Variants in PDK3 observed in about 807,000 individuals in gnomAD.
The protein encoded by PDK3 is pyruvate dehydrogenase kinase, isozyme 3.
A neutral mutation model predicts 32.0 loss-of-function variants in PDK3; 12 were observed. The ratio of observed to expected loss-of-function variants is 0.37; its 90% CI spans 0.24 to 0.61. The LOEUF is 0.61. Ranked by LOEUF, PDK3 falls within the 20% of genes least tolerant of loss-of-function variation. The probability of loss-of-function intolerance (pLI) is 0.65; values close to 1 mark genes in which losing one functional copy is unlikely to be tolerated. For missense variants in PDK3, 188 were observed against 316.9 expected (o/e 0.59, Z 3.09); for synonymous variants, 122 against 116.3 (o/e 1.05, Z -0.31).
At chrX:24,504,401 C>T (rs1339289587) in intron 4 of PDK3, among the ~76,000 whole-genome samples, 3 of 112,141 alleles carry the variant, frequency 2.7e-5, no homozygotes, top group African/African-American at 6.5e-5. Flanking sequence ...CACATATATA[C>T]GTGCATGTTT....
chrX:24,479,933 T>C (rs1323621077), intron 1 of PDK3, among the ~76,000 whole-genome samples: 2 of 112,008 alleles, frequency 1.8e-5, no homozygotes. Context: ...ATTAGGAAAC[T>C]GAAGTTCTGA....
intron 1 of PDK3, among the ~76,000 whole-genome samples, chrX:24,468,567 G>C (rs1940084014): frequency 8.9e-6 from 1 of 112,204 alleles, no homozygotes; most frequent in South Asian, 3.7e-4. Flanking sequence ...GTGGAGAGCA[G>C]AGCACTGGTA....
At chrX:24,488,649 A>G (rs1324623990) in intron 1 of PDK3, among the ~76,000 whole-genome samples, 1 of 112,196 alleles carries the variant, frequency 8.9e-6, no homozygotes, top group Non-Finnish European at 1.9e-5. Context: ...GTGAGCCAAG[A>G]TTGCGCCACT....
At chrX:24,488,749 T>C (rs920634634) in intron 1 of PDK3, among the ~76,000 whole-genome samples, 1 of 111,793 alleles carries the variant, frequency 8.9e-6, no homozygotes, top group Non-Finnish European at 1.9e-5. Flanking sequence ...TCGTCAAACT[T>C]AGGAGAAAAA....
In PDK3 at chrX:24,522,885, G is replaced by A. The variant is rs375995592; in HGVS notation, c.674-3313G>A. Reference sequence around the variant, plus strand: ...TGCGCCACTGCACTCCAGCCTGGGCGACAGAGCAAGACTCCATCTCAAAAA... The same window carrying A: ...TGCGCCACTGCACTCCAGCCTGGGCAACAGAGCAAGACTCCATCTCAAAAA... On this transcript the variant is annotated intron_variant, in intron 6 of 10. Transcript: ENST00000379162. Among the ~76,000 whole-genome samples, 59 of 105,168 alleles carry A rather than the reference G, an allele frequency of 5.6e-4. No homozygotes were observed. The South Asian group carries it at 6.9e-3, about 12-fold the overall frequency. The allele number at this position is 105,168 out of a possible 115,157, so 91.3% of individuals were successfully genotyped here.
intron 1 of PDK3, 35 bp downstream of exon 1, chrX:24,465,596 G>T: frequency 9.8e-7 from 1 of 1,018,128 alleles, no homozygotes. Context: ...ATGGGCCCGG[G>T]GCCGCCGCCA....
chrX:24,538,707 T>C (rs1189548461), downstream of PDK3, among the ~76,000 whole-genome samples: 1 of 111,128 alleles, frequency 9.0e-6, no homozygotes, highest in Non-Finnish European at 1.9e-5. Context: ...CCAGGAGGCA[T>C]AGGCAGCAGT....
At chrX:24,466,842 CTT>C (rs2148177175) in intron 1 of PDK3, among the ~76,000 whole-genome samples, 1 of 111,975 alleles carries the variant, frequency 8.9e-6, no homozygotes, top group African/African-American at 3.2e-5. Flanking sequence ...CAGTTTCTGA[CTT>C]TAGAGTTTAG....
exon 12 of PDK3, chrX:24,546,162 C>T (rs1309618385): frequency 2.7e-5 from 3 of 111,653 alleles, no homozygotes; most frequent in Non-Finnish European, 5.6e-5. Context: ...CAGATGGGAG[C>T]CCATTTCAGT....
chrX:24,511,288 C>A (rs766324442), intron 5 of PDK3, among the ~76,000 whole-genome samples: 1 of 112,708 alleles, frequency 8.9e-6, no homozygotes, highest in South Asian at 3.6e-4. Flanking sequence ...TGGCTTTGTA[C>A]CTTCTTCCAC....
intron 2 of PDK3, among the ~76,000 whole-genome samples, chrX:24,495,422 A>G (rs1921675340): frequency 8.9e-6 from 1 of 112,814 alleles, no homozygotes; most frequent in South Asian, 3.6e-4. Context: ...AATTTGTGAC[A>G]CAAAGTCCTG....
At chrX:24,468,255 G>A (rs1241270389) in intron 1 of PDK3, among the ~76,000 whole-genome samples, 3 of 112,086 alleles carry the variant, frequency 2.7e-5, no homozygotes, top group Non-Finnish European at 1.9e-5. Context: ...TTTTAAAGCA[G>A]GGGTTCCTGA....
At chrX:24,507,962 G>A (rs1483651689) in intron 5 of PDK3, among the ~76,000 whole-genome samples, 2 of 111,538 alleles carry the variant, frequency 1.8e-5, no homozygotes, top group Admixed American at 1.9e-4. Flanking sequence ...GGGCACATGG[G>A]CTCATTATAC....
chrX:24,469,207 C>T (rs1332927243), intron 1 of PDK3, among the ~76,000 whole-genome samples: 1 of 111,970 alleles, frequency 8.9e-6, no homozygotes, highest in Non-Finnish European at 1.9e-5. Flanking sequence ...TATGCATTGT[C>T]ATTTCATGCA....
chrX:24,470,795 C>A (rs767870341), intron 1 of PDK3, among the ~76,000 whole-genome samples: 6 of 108,815 alleles, frequency 5.5e-5, no homozygotes, highest in African/African-American at 1.7e-4. Flanking sequence ...ACTGAACAGT[C>A]TTAATTTTCC....
chrX:24,485,478 G>T (rs752435243), intron 1 of PDK3, among the ~76,000 whole-genome samples: 2 of 111,687 alleles, frequency 1.8e-5, no homozygotes, highest in African/African-American at 3.3e-5. Flanking sequence ...GCATAGTGCA[G>T]CAGAGCCCGG....
intron 10 of PDK3, among the ~76,000 whole-genome samples, chrX:24,532,745 G>C: frequency 9.0e-6 from 1 of 111,427 alleles, no homozygotes; most frequent in Middle Eastern, 4.7e-3. Flanking sequence ...GGGAAAAATA[G>C]AATTTTTCCC....
At position 24,474,382 on chromosome X, in the gene PDK3, AT is replaced by A. The variant is rs201347399; in HGVS notation, c.106+8825del. 2.4e-3 allele frequency among the ~76,000 whole-genome samples: 222 copies of A among 90,754 alleles called. 2 individuals carry two copies. Among genetic ancestry groups the A allele is most frequent in the African/African-American group, 8.4e-3 (212 of 25,111 alleles). The allele number at this position is 90,754 out of a possible 115,157, so 78.8% of individuals were successfully genotyped here. On this transcript the variant is annotated intron_variant, in intron 1 of 10. Transcript: ENST00000379162. Reference sequence around the variant, plus strand: ...TTCATTTAGTCAGTTATATAAGTTTATTTTATTTATTTATTTATTTATTTAT... The same window carrying A: ...TTCATTTAGTCAGTTATATAAGTTTATTTATTTATTTATTTATTTATTTAT...
intron 2 of PDK3, among the ~76,000 whole-genome samples, chrX:24,497,601 A>G (rs1238852716): frequency 8.8e-6 from 1 of 113,013 alleles, no homozygotes; most frequent in Admixed American, 9.3e-5. Flanking sequence ...AGACTTTTAA[A>G]AAGTATGTCC....
Sources: allele counts gnomAD v4.1 joint callset (sites outside exome capture counted in the v4.1 genomes callset), GRCh38; gene constraint gnomAD v4.1.1; transcripts MANE v1.5; gene names NCBI Gene and HGNC (gene_info 2026-07-23, HGNC 2026-07-21).